Variants in TPRG1 observed in about 807,000 individuals in gnomAD.
TPRG1 encodes tumor protein p63 regulated 1.
Under a neutral mutation model 29.3 loss-of-function variants are expected in TPRG1, and 29 were observed. The ratio of observed to expected loss-of-function variants is 0.99; its 90% confidence interval spans 0.74 to 1.35. The LOEUF is 1.35. TPRG1 is among the 40% of genes most tolerant of loss of function. TPRG1 has a pLI of 0.00. For missense variants in TPRG1, 327 were observed against 335.0 expected, an observed-to-expected ratio of 0.98 and a Z score of 0.19; for synonymous variants, 130 against 116.8, an observed-to-expected ratio of 1.11 and a Z score of -0.73.
chr3:189,099,529 A>G (rs1479544854), upstream of TPRG1, among the ~76,000 whole-genome samples: 1 of 151,902 alleles, frequency 6.6e-6, no homozygotes, highest in Non-Finnish European at 1.5e-5. Context: ...GCATACCCCC[A>G]GATTTGTGGC....
At chr3:189,268,234 C>T (rs1714458621) in intron 4 of TPRG1, among the ~76,000 whole-genome samples, 1 of 152,060 alleles carries the variant, frequency 6.6e-6, no homozygotes, top group African/African-American at 2.4e-5. Context: ...GCCAAGAATG[C>T]CCGGGGTTTG....
chr3:189,089,396 A>G (rs187086688), intron 4 of TPRG1, among the ~76,000 whole-genome samples: 5 of 152,328 alleles, frequency 3.3e-5, no homozygotes, highest in Admixed American at 3.3e-4. Flanking sequence ...TTTCAAATTT[A>G]CTGGCATAAC....
chr3:189,319,177 A>G (rs531808496), intron 5 of TPRG1, among the ~76,000 whole-genome samples: 5 of 152,156 alleles, frequency 3.3e-5, no homozygotes, highest in Non-Finnish European at 7.4e-5. Context: ...ACTTCACTTT[A>G]TGAATATCAT....
intron 4 of TPRG1, among the ~76,000 whole-genome samples, chr3:189,056,092 CCTTCCT>C (rs1431638613): frequency 7.8e-6 from 1 of 128,906 alleles, no homozygotes; most frequent in Non-Finnish European, 1.6e-5. Flanking sequence ...TTCCTTCCTT[CCTTCCT>C]TCCCTCTTTC....
chr3:189,128,533 A>G (rs946241135), intron 2 of TPRG1, among the ~76,000 whole-genome samples: 5 of 152,252 alleles, frequency 3.3e-5, no homozygotes, highest in African/African-American at 1.2e-4. Flanking sequence ...ACTGTAGTTG[A>G]ATGAGATGAA....
At chr3:189,072,493 T>G (rs1305093792) in intron 4 of TPRG1, among the ~76,000 whole-genome samples, 1 of 152,194 alleles carries the variant, frequency 6.6e-6, no homozygotes, top group Non-Finnish European at 1.5e-5. Context: ...AATTATCCCT[T>G]TATGGCTAGT....
At chr3:189,184,245 A>G (rs1272406990) in intron 1 of TPRG1, among the ~76,000 whole-genome samples, 1 of 152,188 alleles carries the variant, frequency 6.6e-6, no homozygotes, top group Non-Finnish European at 1.5e-5. Flanking sequence ...GAGGATAATT[A>G]GAGTACCTGA....
upstream of TPRG1, among the ~76,000 whole-genome samples, chr3:189,167,671 T>G (rs1194874659): frequency 1.3e-5 from 2 of 152,180 alleles, no homozygotes; most frequent in Admixed American, 1.3e-4. Context: ...AAGCCATTCT[T>G]GGTTGGGGTG....
chr3:189,261,372 A>G (rs566493802), intron 4 of TPRG1, among the ~76,000 whole-genome samples: 12 of 151,950 alleles, frequency 7.9e-5, no homozygotes, highest in South Asian at 2.1e-4. Flanking sequence ...CCCTCTAATC[A>G]CGTCTTTTTC....
intron 3 of TPRG1, among the ~76,000 whole-genome samples, chr3:189,223,139 T>A (rs1360174139): frequency 6.6e-6 from 1 of 152,178 alleles, no homozygotes; most frequent in Non-Finnish European, 1.5e-5. Flanking sequence ...GTACAGTGTG[T>A]GGCACATGAT....
At chr3:189,043,299 T>A (rs1368343841) in intron 4 of TPRG1, among the ~76,000 whole-genome samples, 2 of 152,136 alleles carry the variant, frequency 1.3e-5, no homozygotes, top group Non-Finnish European at 2.9e-5. Context: ...AAGAGTACGG[T>A]TTAAAGGGTA....
intron 3 of TPRG1, among the ~76,000 whole-genome samples, chr3:189,237,372 A>G (rs1055608777): frequency 1.3e-5 from 2 of 151,968 alleles, no homozygotes; most frequent in African/African-American, 4.8e-5. Context: ...GCATTTCCCT[A>G]CCTTCAGTAT....
intron 1 of TPRG1, among the ~76,000 whole-genome samples, chr3:189,185,418 G>A (rs970788555): frequency 6.6e-6 from 1 of 151,962 alleles, no homozygotes; most frequent in Admixed American, 6.6e-5. Context: ...TAGAGATGGT[G>A]TTTTGCCATG....
chr3:189,318,553 C>A (rs1416446970), intron 5 of TPRG1, among the ~76,000 whole-genome samples: 1 of 152,138 alleles, frequency 6.6e-6, no homozygotes, highest in Non-Finnish European at 1.5e-5. Flanking sequence ...GAAGTAAAAT[C>A]TTACTTGGAA....
chr3:189,124,213 ATGGTGCT>A (rs1722160033), intron 1 of TPRG1, among the ~76,000 whole-genome samples: 1 of 152,148 alleles, frequency 6.6e-6, no homozygotes, highest in South Asian at 2.1e-4. Flanking sequence ...AGAATAAGAC[ATGGTGCT>A]TGTCTTTAAG....
intron 3 of TPRG1, among the ~76,000 whole-genome samples, chr3:189,142,510 A>G (rs1724710702): frequency 6.6e-6 from 1 of 152,164 alleles, no homozygotes; most frequent in Non-Finnish European, 1.5e-5. Flanking sequence ...CTTTGTTCCC[A>G]GCTCTGATTT....
chr3:189,302,960 G>A (rs1429394268), intron 4 of TPRG1, among the ~76,000 whole-genome samples: 1 of 152,208 alleles, frequency 6.6e-6, no homozygotes, highest in African/African-American at 2.4e-5. Context: ...TGGTGATGGA[G>A]GAGACAGCTG....
At chr3:189,012,909 G>A (rs1434148661) in intron 3 of TPRG1, among the ~76,000 whole-genome samples, 1 of 151,758 alleles carries the variant, frequency 6.6e-6, no homozygotes, top group Non-Finnish European at 1.5e-5. Flanking sequence ...TCTAGCTAGT[G>A]GTCTATTTTA....
rs1204094602 is a variant in TPRG1 at position 189,206,173 on chromosome 3, TTA to T, written c.-9-1201_-9-1200del. Among the ~76,000 whole-genome samples the T allele has an allele frequency of 6.0e-5, 9 of 150,848 alleles. No homozygotes were observed. The East Asian group carries it at 1.7e-3, about 29-fold the overall frequency. Reference sequence around the variant, plus strand: ...TATCTTTCTTCTCTTTCTTTCTAAATTATTTTAACAAATTGGAATAATATTAT... The same window carrying T: ...TATCTTTCTTCTCTTTCTTTCTAAATTTTTAACAAATTGGAATAATATTAT... On this transcript the variant is annotated intron_variant, in intron 1 of 5. Transcript: ENST00000345063.
Sources: gnomAD v4.1 joint callset for allele counts (sites outside exome capture counted in the v4.1 genomes callset) on GRCh38, gnomAD v4.1.1 for gene constraint, MANE v1.5 for transcripts, NCBI Gene and HGNC (gene_info 2026-07-23, HGNC 2026-07-21) for gene names.